The following ELOVL6 variants were observed in gnomAD, a reference collection of about 807,000 sequenced individuals.
ELOVL6 encodes ELOVL fatty acid elongase 6, also known as very long chain fatty acid elongase 6.
A neutral mutation model predicts 31.7 loss-of-function variants in ELOVL6; 8 were observed. The observed-to-expected ratio is 0.25, with a 90% confidence interval of 0.15 to 0.45. ELOVL6 has a LOEUF of 0.45. ELOVL6 is among the 20% of genes least tolerant of loss of function. ELOVL6 has a pLI of 1.00. For missense variants in ELOVL6, 126 were observed against 326.4 expected, an observed-to-expected ratio of 0.39 and a Z score of 4.73; for synonymous variants, 101 against 117.7, an observed-to-expected ratio of 0.86 and a Z score of 0.92.
chr4:110,095,379 G>A (rs1226277958), intron 2 of ELOVL6, among the ~76,000 whole-genome samples: 1 of 152,028 alleles, frequency 6.6e-6, no homozygotes, highest in Admixed American at 6.6e-5. Context: ...CTATTTGGGA[G>A]GCTGAGGCAT....
At chr4:110,089,074 T>G (rs537024005) in intron 2 of ELOVL6, among the ~76,000 whole-genome samples, 1 of 152,332 alleles carries the variant, frequency 6.6e-6, no homozygotes, top group East Asian at 1.9e-4. Context: ...CCATGTCTTT[T>G]TAACTTTGTG....
At chr4:110,121,003 G>A (rs547074590) in intron 1 of ELOVL6, among the ~76,000 whole-genome samples, 5 of 152,080 alleles carry the variant, frequency 3.3e-5, no homozygotes, top group Admixed American at 6.5e-5. Context: ...GCTTCGCCAC[G>A]TTGGCCAGGC....
At chr4:110,189,209 G>A (rs1390531979) in intron 1 of ELOVL6, among the ~76,000 whole-genome samples, 4 of 152,136 alleles carry the variant, frequency 2.6e-5, no homozygotes, top group Admixed American at 1.3e-4. Context: ...GGACCAAGAA[G>A]CGGAGTTTGA....
intron 1 of ELOVL6, among the ~76,000 whole-genome samples, chr4:110,179,906 T>A (rs1759221215): frequency 6.6e-6 from 1 of 152,238 alleles, no homozygotes; most frequent in Non-Finnish European, 1.5e-5. Context: ...CTGTACTCCA[T>A]CATGAAAAGG....
intron 2 of ELOVL6, among the ~76,000 whole-genome samples, chr4:110,096,238 C>T (rs997492849): frequency 1.3e-5 from 2 of 152,100 alleles, no homozygotes; most frequent in Non-Finnish European, 2.9e-5. Context: ...ACTGAGACAA[C>T]GTGCATAAAA....
At chr4:110,167,277 A>T (rs988585908) in intron 1 of ELOVL6, among the ~76,000 whole-genome samples, 42 of 152,230 alleles carry the variant, frequency 2.8e-4, no homozygotes, top group Admixed American at 4.6e-4. Flanking sequence ...GCACAGTAAA[A>T]GGACTTGTGT....
At chr4:110,096,612 G>A (rs1756586849) in intron 2 of ELOVL6, among the ~76,000 whole-genome samples, 2 of 152,150 alleles carry the variant, frequency 1.3e-5, no homozygotes, top group African/African-American at 4.8e-5. Context: ...AATTTCTGAT[G>A]TCAGGTCCCA....
At chr4:110,142,451 T>A (rs1757992099) in intron 1 of ELOVL6, among the ~76,000 whole-genome samples, 1 of 151,198 alleles carries the variant, frequency 6.6e-6, no homozygotes, top group Non-Finnish European at 1.5e-5. Flanking sequence ...AAATAATTTA[T>A]AAACATTGCA....
chr4:110,083,462 G>A (rs887752599), intron 2 of ELOVL6, among the ~76,000 whole-genome samples: 2 of 151,704 alleles, frequency 1.3e-5, no homozygotes, highest in East Asian at 1.9e-4. Flanking sequence ...GAGGCTGGCG[G>A]TGATGGGGAC....
chr4:110,090,850 G>A (rs1476681123), intron 2 of ELOVL6, among the ~76,000 whole-genome samples: 2 of 151,970 alleles, frequency 1.3e-5, no homozygotes, highest in East Asian at 1.9e-4. Flanking sequence ...CGATCCACCC[G>A]CCTCGGCCTC....
At chr4:110,133,541 C>T (rs1242106134) in intron 1 of ELOVL6, among the ~76,000 whole-genome samples, 3 of 152,020 alleles carry the variant, frequency 2.0e-5, no homozygotes, top group African/African-American at 4.8e-5. Flanking sequence ...ATGAGGCTTG[C>T]GGAGGCGGGG....
intron 2 of ELOVL6, among the ~76,000 whole-genome samples, chr4:110,095,978 T>TA (rs1429077539): frequency 1.3e-5 from 2 of 152,008 alleles, no homozygotes; most frequent in Non-Finnish European, 2.9e-5. Flanking sequence ...TTGGATATTT[T>TA]AAATCTGAGT....
chr4:110,073,705 CT>C (rs1755554302), intron 2 of ELOVL6, among the ~76,000 whole-genome samples: 1 of 152,154 alleles, frequency 6.6e-6, no homozygotes. Context: ...ACCGCTGCCC[CT>C]GACCTCACAG....
intron 1 of ELOVL6, among the ~76,000 whole-genome samples, chr4:110,117,135 C>T (rs1284664054): frequency 6.6e-6 from 1 of 152,144 alleles, no homozygotes; most frequent in Non-Finnish European, 1.5e-5. Flanking sequence ...GTCTTTACAA[C>T]TGGAAGGCAG....
intron 1 of ELOVL6, among the ~76,000 whole-genome samples, chr4:110,192,159 C>T (rs968392954): frequency 1.3e-5 from 2 of 148,604 alleles, no homozygotes; most frequent in African/African-American, 5.0e-5. Context: ...AATTGCACTC[C>T]AGCCTGGGCA....
At chr4:110,126,386 G>A (rs1757499466) in intron 1 of ELOVL6, among the ~76,000 whole-genome samples, 3 of 152,106 alleles carry the variant, frequency 2.0e-5, no homozygotes, top group African/African-American at 7.2e-5. Flanking sequence ...AAACAAGGGA[G>A]AGGGGCAAAG....
intron 3 of ELOVL6, among the ~76,000 whole-genome samples, chr4:110,057,737 G>C (rs1278865444): frequency 6.6e-6 from 1 of 151,454 alleles, no homozygotes; most frequent in Non-Finnish European, 1.5e-5. Flanking sequence ...TGTAATCCCA[G>C]CTACTCGGAA....
At chr4:110,138,598 A>T (rs571673450) in intron 1 of ELOVL6, among the ~76,000 whole-genome samples, 2 of 152,296 alleles carry the variant, frequency 1.3e-5, no homozygotes, top group African/African-American at 4.8e-5. Context: ...AAAAAATGAG[A>T]AATAGCCAGC....
intron 1 of ELOVL6, among the ~76,000 whole-genome samples, chr4:110,184,991 G>A (rs1010249511): frequency 1.1e-4 from 17 of 152,200 alleles, no homozygotes; most frequent in African/African-American, 4.1e-4. Context: ...ATAAGCCTGT[G>A]CATGTGTGTA....
Sources: allele counts gnomAD v4.1 joint callset (sites outside exome capture counted in the v4.1 genomes callset), GRCh38; gene constraint gnomAD v4.1.1; transcripts MANE v1.5; gene names NCBI Gene and HGNC (gene_info 2026-07-23, HGNC 2026-07-21).